Variants in ERCC3 observed in about 807,000 individuals in gnomAD.
ERCC3 encodes the protein ERCC excision repair 3, TFIIH core complex helicase subunit.
Under a neutral mutation model 94.2 loss-of-function variants are expected in ERCC3, and 66 were observed. The observed-to-expected ratio is 0.70, with a 90% CI of 0.57 to 0.86. The LOEUF (loss-of-function observed/expected upper bound fraction) is 0.86. ERCC3 is among the 40% of genes least tolerant of loss of function. The pLI is 0.00. For missense variants in ERCC3, 829 were observed against 987.1 expected, an observed-to-expected ratio of 0.84 and a Z score of 2.15; for synonymous variants, 349 against 369.1, an observed-to-expected ratio of 0.95 and a Z score of 0.63.
chr2:127,283,388 T>TG (rs1240236522), intron 8 of ERCC3, among the ~76,000 whole-genome samples: 1 of 152,198 alleles, frequency 6.6e-6, no homozygotes, highest in Non-Finnish European at 1.5e-5. Context: ...ACCATGCTTT[T>TG]GAGATTCATC....
intron 10 of ERCC3, among the ~76,000 whole-genome samples, chr2:127,275,914 G>A (rs1463577417): frequency 1.3e-5 from 2 of 152,172 alleles, no homozygotes; most frequent in South Asian, 2.1e-4. Context: ...CCGCCTCTGT[G>A]TCCTCTGCAG....
chr2:127,287,094 G>A, intron 7 of ERCC3, 77 bp from the exon 8 acceptor site: 2 of 1,138,744 alleles, frequency 1.8e-6, no homozygotes, highest in Non-Finnish European at 2.6e-6. Flanking sequence ...TGACTCACAA[G>A]TACAGCAATC....
Position 127,259,252 on chromosome 2 carries a change from T to G in ERCC3, c.2217+44A>C. 6.2e-7 allele frequency: 1 copy of G among 1,611,856 alleles called. No homozygotes were observed. The highest frequency in any genetic ancestry group is 1.1e-5 in the South Asian group (1 of 91,008). On this transcript the variant is annotated intron_variant, in intron 14 of 14. Transcript: ENST00000285398. The surrounding 1 kb of genome is among the most constrained non-coding windows in gnomAD (Gnocchi z 4.9). ...GTGTCTGTGTCTACAAACGCTGCCC[T>G]GTGAGAGCACTGACACCTGGAACCT...
chr2:127,262,013 A>G (rs1180997617), intron 12 of ERCC3: 6 of 152,750 alleles, frequency 3.9e-5, no homozygotes, highest in African/African-American at 9.6e-5. Flanking sequence ...CTATATCCAC[A>G]CAAAAATTTG....
At position 127,279,131 on chromosome 2, in the gene ERCC3, G is replaced by C. The variant is rs1302891977; in HGVS notation, c.1730+42C>G. ...CACCTTCTGCACTCTCAATGGGGAAGAGAAACTGGCCTGGAGGAAGCTCCA... is the reference window on the plus strand; with the variant it reads ...CACCTTCTGCACTCTCAATGGGGAACAGAAACTGGCCTGGAGGAAGCTCCA... On this transcript the variant is annotated intron_variant, in intron 10 of 14. Transcript: ENST00000285398. This position sits in a 1 kb window ranked among gnomAD's most constrained non-coding sequence, Gnocchi z 4.7. 7.2e-7 allele frequency: 1 copy of C among 1,383,548 alleles called. No individual in the cohort carries two copies. The highest frequency in any genetic ancestry group is 1.7e-5 in the Admixed American group (1 of 59,304). The allele number at this position is 1,383,548 out of a possible 1,614,324, so 85.7% of individuals were successfully genotyped here.
chr2:127,259,473 T>A lies in ERCC3; in HGVS notation c.2065-25A>T. ...CCTGCAAAGCCCAAGCCAGCAGACA[T>A]GCCCCTTTCTGCTCTCTCTCCCCAG... On this transcript the variant is annotated intron_variant, in intron 13 of 14. Transcript: ENST00000285398. The surrounding 1 kb of genome is among the most constrained non-coding windows in gnomAD (Gnocchi z 4.9). 6.2e-7 allele frequency: 1 copy of A among 1,613,718 alleles called. No homozygotes were observed. The highest frequency in any genetic ancestry group is 8.5e-7 in the Non-Finnish European group (1 of 1,179,962).
At chr2:127,281,460 T>C (rs1451469064) in intron 8 of ERCC3, among the ~76,000 whole-genome samples, 12 of 152,202 alleles carry the variant, frequency 7.9e-5, no homozygotes, top group Admixed American at 7.9e-4. Context: ...ACATAAAGGG[T>C]ATGAGTTATT....
At chr2:127,281,170 C>T (rs1352099389) in intron 8 of ERCC3, among the ~76,000 whole-genome samples, 1 of 152,138 alleles carries the variant, frequency 6.6e-6, no homozygotes, top group Non-Finnish European at 1.5e-5. Context: ...AACACTTGTA[C>T]CCAGGTTACT....
chr2:127,266,082 G>GT (rs879746129), intron 12 of ERCC3, among the ~76,000 whole-genome samples: 6,830 of 146,214 alleles, frequency 0.047, 169 homozygotes, highest in Middle Eastern at 0.074. Flanking sequence ...AATTGTGTGG[G>GT]TTTTTTTTTT....
intron 6 of ERCC3, 60 bp downstream of exon 6, chr2:127,289,277 C>T: frequency 1.3e-6 from 2 of 1,491,072 alleles, no homozygotes; most frequent in Non-Finnish European, 1.9e-6. Context: ...CGACACATGG[C>T]TGGACTAGCT....
chr2:127,269,779 C>T (rs1247930752), intron 12 of ERCC3, among the ~76,000 whole-genome samples: 1 of 151,452 alleles, frequency 6.6e-6, no homozygotes, highest in Non-Finnish European at 1.5e-5. Flanking sequence ...ACCTGTAATC[C>T]CAGCACTTTG....
rs182713248 is a variant in ERCC3, at chr2:127,261,291, T to G, written c.2001A>C (p.Thr667=). ...GCTTGGTTGAGTAAGCCATTTCCTGTGTGTCCTGGGATACCAGTGAGTAGA... is the reference window on the plus strand; with the variant it reads ...GCTTGGTTGAGTAAGCCATTTCCTGGGTGTCCTGGGATACCAGTGAGTAGA... ...AFFYSLVSQD[T]QEMAYSTKRQ... is the part of the protein sequence containing the mutation. The change falls in exon 13 of 15, where the codon ACA becomes ACC. Residue 667 remains threonine, a synonymous_variant. Coordinates refer to ENST00000285398, the MANE Select transcript of ERCC3 (RefSeq NM_000122.2). The G allele has an allele frequency of 1.8e-4, 294 of 1,613,832 alleles. No homozygotes were observed. The highest frequency in any genetic ancestry group is 8.5e-6 in the Non-Finnish European group (10 of 1,179,672).
In ERCC3 at chr2:127,271,947, C is replaced by G. The variant is rs943155831; in HGVS notation, c.1828-494G>C. Among the ~76,000 whole-genome samples, 1 of 151,724 alleles carries G rather than the reference C, an allele frequency of 6.6e-6. No individual in the cohort carries two copies. Among genetic ancestry groups the G allele is most frequent in the African/African-American group, 2.4e-5 (1 of 41,282 alleles). ...GGCTCCAAACATCGAGGTTCCCAGC[C>G]ACAGACATGAAGGTTTGGTGCTTAT... On this transcript the variant is annotated intron_variant, in intron 11 of 14. Coordinates refer to ENST00000285398, the MANE Select transcript of ERCC3 (RefSeq NM_000122.2). The surrounding 1 kb of genome is among the most constrained non-coding windows in gnomAD (Gnocchi z 5.0).
In ERCC3 at chr2:127,291,207, C is replaced by G. The variant is rs185551552; in HGVS notation, c.472-934G>C. Reference sequence around the variant, plus strand: ...CCTGCAGGCAATTCGCAGCCAAGACCAGGCAGAGCCACAGTGTTGGTACAA... The same window carrying G: ...CCTGCAGGCAATTCGCAGCCAAGACGAGGCAGAGCCACAGTGTTGGTACAA... On this transcript the variant is annotated intron_variant, in intron 3 of 14. Transcript: ENST00000285398. This position sits in a 1 kb window ranked among gnomAD's most constrained non-coding sequence, Gnocchi z 4.9. Among the ~76,000 whole-genome samples, 1 of 152,336 alleles carries G rather than the reference C, an allele frequency of 6.6e-6. No homozygotes were observed. The highest frequency in any genetic ancestry group is 2.4e-5 in the African/African-American group (1 of 41,574).
rs1685305469 is a variant in ERCC3, at chr2:127,292,498, G to A, written c.471+112C>T. On this transcript the variant is annotated intron_variant, in intron 3 of 14. Coordinates refer to ENST00000285398, the MANE Select transcript of ERCC3 (RefSeq NM_000122.2). ...TAATCAGTCGTTATGCTCCCCACAG[G>A]AAATCTGAATGGCACATTCTCATGG... The A allele has an allele frequency of 4.4e-5, 36 of 813,550 alleles. 1 individual carries two copies. Among genetic ancestry groups the A allele is most frequent in the South Asian group, 4.3e-4 (32 of 74,554 alleles). 50.4% of individuals were successfully genotyped at this position (813,550 alleles called of 1,614,324 possible). A position where few individuals can be genotyped will look rare whatever the true frequency, so the allele number is the denominator to read the frequency against.
intron 3 of ERCC3, chr2:127,290,506 A>G: frequency 1.7e-6 from 1 of 592,644 alleles, no homozygotes; most frequent in African/African-American, 1.9e-5. Context: ...CATATCCATT[A>G]AGTTATAAAA....
At chr2:127,272,282 C>G (rs2104749411) in intron 11 of ERCC3, among the ~76,000 whole-genome samples, 1 of 152,258 alleles carries the variant, frequency 6.6e-6, no homozygotes, top group Middle Eastern at 3.4e-3. Context: ...GCCTCAGCCT[C>G]CCAAAGTGCT....
At chr2:127,268,024 G>A (rs1684434101) in intron 12 of ERCC3, among the ~76,000 whole-genome samples, 1 of 152,042 alleles carries the variant, frequency 6.6e-6, no homozygotes. Context: ...TGCAATCTCG[G>A]CTCACTGAAA....
At chr2:127,290,480 C>G in intron 3 of ERCC3, 1 of 629,424 alleles carries the variant, frequency 1.6e-6, no homozygotes, top group Non-Finnish European at 2.9e-6. Context: ...TTCCTCTTGC[C>G]TGGGTAATTC....
Sources: allele counts gnomAD v4.1 joint callset (sites outside exome capture counted in the v4.1 genomes callset), GRCh38; gene constraint gnomAD v4.1.1; non-coding constraint Gnocchi (gnomAD v3.1); transcripts MANE v1.5; gene names NCBI Gene and HGNC (gene_info 2026-07-23, HGNC 2026-07-21).